Variants in PHACTR2 observed in about 807,000 individuals in gnomAD.
PHACTR2 encodes the protein phosphatase and actin regulator 2.
A neutral mutation model predicts 76.0 loss-of-function variants in PHACTR2; 30 were observed. The ratio of observed to expected loss-of-function variants is 0.39; its 90% confidence interval spans 0.30 to 0.54. PHACTR2 has a LOEUF of 0.54. PHACTR2 is among the 20% of genes least tolerant of loss of function. The pLI is 0.61. For synonymous variants in PHACTR2, 292 were observed against 292.5 expected (o/e 1.00, Z 0.02); for missense variants, 696 against 781.1 (o/e 0.89, Z 1.30).
chr6:143,575,322 A>G (rs1451063156), intron 1 of PHACTR2, among the ~76,000 whole-genome samples: 1 of 152,226 alleles, frequency 6.6e-6, no homozygotes, highest in Non-Finnish European at 1.5e-5. Context: ...GGTTTTAAAC[A>G]TCGTTTTACA....
chr6:143,746,817 A>G (rs546853294), intron 2 of PHACTR2, among the ~76,000 whole-genome samples: 35 of 151,528 alleles, frequency 2.3e-4, no homozygotes, highest in Admixed American at 9.9e-4. Context: ...CTCTTTTTAC[A>G]TAATAGAACA....
rs1310335489 is a variant in PHACTR2, at chr6:143,595,132, T to A, written c.217+57925T>A. Among the ~76,000 whole-genome samples the A allele has an allele frequency of 6.6e-6, 1 of 152,178 alleles. No individual in the cohort carries two copies. Among genetic ancestry groups the A allele is most frequent in the African/African-American group, 2.4e-5 (1 of 41,430 alleles). ...GTAAGAACAAATTTAGACACCTTCA[T>A]AAGGTGTGACGCATTTGATGCAAAA... is the stretch of plus-strand genomic sequence containing the variant. On this transcript the variant is annotated intron_variant, in intron 1 of 11. Coordinates refer to the PHACTR2 transcript ENST00000367584. The surrounding 1 kb of genome is among the most constrained non-coding windows in gnomAD (Gnocchi z 4.2).
At chr6:143,723,590 A>G (rs1288032786) in intron 2 of PHACTR2, among the ~76,000 whole-genome samples, 1 of 152,172 alleles carries the variant, frequency 6.6e-6, no homozygotes, top group Admixed American at 6.5e-5. Context: ...CTTCTACCCT[A>G]TGCCCAGATT....
chr6:143,708,014 A>G lies in PHACTR2; in HGVS notation c.47-4002A>G, dbSNP rs1352121936. On this transcript the variant is annotated intron_variant, in intron 1 of 12. Coordinates refer to ENST00000440869, the MANE Select transcript of PHACTR2 (RefSeq NM_001100164.2). This position sits in a 1 kb window ranked among gnomAD's most constrained non-coding sequence, Gnocchi z 5.5. Reference sequence around the variant, plus strand: ...AGGGGACGGTGCTAAGCAATTCATGAAAACTCTGCCACCATGATCCATACC... The same window carrying G: ...AGGGGACGGTGCTAAGCAATTCATGGAAACTCTGCCACCATGATCCATACC... 6.6e-6 allele frequency among the ~76,000 whole-genome samples: 1 copy of G among 152,218 alleles called. No homozygotes were observed. Among genetic ancestry groups the G allele is most frequent in the African/African-American group, 2.4e-5 (1 of 41,456 alleles).
chr6:143,654,606 A>G lies in PHACTR2; in HGVS notation c.13+46284A>G, dbSNP rs538182973. Among the ~76,000 whole-genome samples the G allele has an allele frequency of 4.6e-5, 7 of 152,216 alleles. No homozygotes were observed. In the South Asian group the frequency reaches 8.3e-4, roughly 18 times the overall value. On this transcript the variant is annotated intron_variant, in intron 1 of 11. Transcript: ENST00000305766. The surrounding 1 kb of genome is among the most constrained non-coding windows in gnomAD (Gnocchi z 4.6). ...GATCACTCGAGGCCTGGAGTTCAAG[A>G]CCAGCCTGAGCAACATAGCAAGACT... is the stretch of plus-strand genomic sequence containing the variant.
At position 143,777,455 on chromosome 6, in the gene PHACTR2, A is replaced by T; in HGVS notation, c.1645+72A>T. On this transcript the variant is annotated intron_variant, in intron 9 of 12. Coordinates refer to ENST00000440869, the MANE Select transcript of PHACTR2 (RefSeq NM_001100164.2). The surrounding 1 kb of genome is among the most constrained non-coding windows in gnomAD (Gnocchi z 4.6). Reference sequence around the variant, plus strand: ...AGCTGCCTCTACAGATGATCGATTTATCAGTAAGAAACCATCATATATTCA... The same window carrying T: ...AGCTGCCTCTACAGATGATCGATTTTTCAGTAAGAAACCATCATATATTCA... The T allele has an allele frequency of 2.8e-6, 2 of 711,032 alleles. No homozygotes were observed. Among genetic ancestry groups the T allele is most frequent in the Non-Finnish European group, 4.6e-6 (2 of 432,868 alleles). The allele number at this position is 711,032 out of a possible 1,614,324, so 44.0% of individuals were successfully genotyped here. A position where few individuals can be genotyped will look rare whatever the true frequency, so the allele number is the denominator to read the frequency against.
chr6:143,623,411 C>A lies in PHACTR2; in HGVS notation c.13+15089C>A, dbSNP rs1776196033. 6.6e-6 allele frequency among the ~76,000 whole-genome samples: 1 copy of A among 152,066 alleles called. No homozygotes were observed. The highest frequency in any genetic ancestry group is 2.1e-4 in the South Asian group (1 of 4,818). On this transcript the variant is annotated intron_variant, in intron 1 of 11. Transcript: ENST00000305766. This position sits in a 1 kb window ranked among gnomAD's most constrained non-coding sequence, Gnocchi z 5.9. ...CCAACATGGTGAAACCCTGTCTCTA[C>A]TAAATATACAAAAATTAGCCGGGCA...
At position 143,594,650 on chromosome 6, in the gene PHACTR2, T is replaced by G. The variant is rs74769314; in HGVS notation, c.217+57443T>G. Among the ~76,000 whole-genome samples the G allele has an allele frequency of 6.2e-3, 940 of 152,326 alleles. 22 individuals carry two copies. The East Asian group carries it at 0.09, about 15-fold the overall frequency. ...ACTGGAGGGGAAGTGAAGTAAGGAA[T>G]GCCCCTGATTTGATTATGGTCCAGG... is the stretch of plus-strand genomic sequence containing the variant. On this transcript the variant is annotated intron_variant, in intron 1 of 11. Coordinates refer to the PHACTR2 transcript ENST00000367584.
rs1243617092 is a variant in PHACTR2 at position 143,828,262 on chromosome 6, A to G, written c.*4573A>G. 1 of 152,236 alleles carries G rather than the reference A, an allele frequency of 6.6e-6. No homozygotes were observed. The highest frequency in any genetic ancestry group is 1.5e-5 in the Non-Finnish European group (1 of 68,050). 9.4% of individuals were successfully genotyped at this position (152,236 alleles called of 1,614,324 possible). A position where few individuals can be genotyped will look rare whatever the true frequency, so the allele number is the denominator to read the frequency against. ...AGGAACATCTTTCTAGAGAAAGTAC[A>G]TGCCCAGTTAGTTCAAACCCAGGTT... is the stretch of plus-strand genomic sequence containing the variant. On this transcript the variant is annotated 3_prime_UTR_variant, in exon 13 of 13. Coordinates refer to ENST00000440869, the MANE Select transcript of PHACTR2 (RefSeq NM_001100164.2). The surrounding 1 kb of genome is among the most constrained non-coding windows in gnomAD (Gnocchi z 4.7).
chr6:143,729,714 A>G (rs980792111), intron 2 of PHACTR2, among the ~76,000 whole-genome samples: 1 of 152,042 alleles, frequency 6.6e-6, no homozygotes, highest in Non-Finnish European at 1.5e-5. Flanking sequence ...TTGTTTTCTT[A>G]ATGTTCAGTT....
intron 1 of PHACTR2, among the ~76,000 whole-genome samples, chr6:143,657,902 G>T (rs1582742777): frequency 6.6e-6 from 1 of 152,180 alleles, no homozygotes; most frequent in African/African-American, 2.4e-5. Context: ...GCTGAGGGCT[G>T]TCTCCCAGCA....
rs1168777348 is a variant in PHACTR2 at position 143,809,862 on chromosome 6, G to A, written c.1922+2729G>A. 1.1e-4 allele frequency among the ~76,000 whole-genome samples: 17 copies of A among 152,080 alleles called. No individual in the cohort carries two copies. Among genetic ancestry groups the A allele is most frequent in the African/African-American group, 2.9e-4 (12 of 41,468 alleles). ...TGCAGTGGCTCAGGCCTGTAATCCC[G>A]GCACTTGGGGAGGCCGAGGTGGGCA... On this transcript the variant is annotated intron_variant, in intron 12 of 12. Coordinates refer to ENST00000440869, the MANE Select transcript of PHACTR2 (RefSeq NM_001100164.2). The surrounding 1 kb of genome is among the most constrained non-coding windows in gnomAD (Gnocchi z 4.2).
chr6:143,702,957 C>A (rs1230806362), intron 1 of PHACTR2, among the ~76,000 whole-genome samples: 2 of 151,228 alleles, frequency 1.3e-5, no homozygotes, highest in East Asian at 3.9e-4. Flanking sequence ...CACAGACATT[C>A]AGTGAAAGAA....
Position 143,585,845 on chromosome 6 carries a change from C to T in PHACTR2, c.217+48638C>T, listed in dbSNP as rs984309660. 6.6e-6 allele frequency among the ~76,000 whole-genome samples: 1 copy of T among 152,268 alleles called. No individual in the cohort carries two copies. The highest frequency in any genetic ancestry group is 2.4e-5 in the African/African-American group (1 of 41,564). On this transcript the variant is annotated intron_variant, in intron 1 of 11. Transcript: ENST00000367584. The surrounding 1 kb of genome is among the most constrained non-coding windows in gnomAD (Gnocchi z 5.2). ...ATTAATGTAGCGCTGAATGTTTAAA[C>T]GGGAAGTGGATGAGCCCAGCAGCAG...
chr6:143,794,055 T>C lies in PHACTR2; in HGVS notation c.1845+5145T>C, dbSNP rs555720174. 5.4e-4 allele frequency among the ~76,000 whole-genome samples: 75 copies of C among 139,142 alleles called. No individual in the cohort carries two copies. Among genetic ancestry groups the C allele is most frequent in the African/African-American group, 1.9e-3 (72 of 38,010 alleles). The allele number at this position is 139,142 out of a possible 152,430, so 91.3% of individuals were successfully genotyped here. ...TGGGCCATATCTGAATATTCAAAAA[T>C]GCAAAAATAAAAAAAGAACCACTTT... On this transcript the variant is annotated intron_variant, in intron 11 of 12. Coordinates refer to ENST00000440869, the MANE Select transcript of PHACTR2 (RefSeq NM_001100164.2). This position sits in a 1 kb window ranked among gnomAD's most constrained non-coding sequence, Gnocchi z 4.1.
intron 11 of PHACTR2, among the ~76,000 whole-genome samples, chr6:143,792,821 G>C (rs1272277669): frequency 2.6e-5 from 4 of 152,140 alleles, no homozygotes; most frequent in Non-Finnish European, 5.9e-5. Context: ...CTCAGCAAAT[G>C]TCCCAAGAGA....
rs1395691798 is a variant in PHACTR2 at position 143,663,273 on chromosome 6, TC to T, written c.14-48741del. 6.6e-6 allele frequency among the ~76,000 whole-genome samples: 1 copy of T among 152,202 alleles called. No individual in the cohort carries two copies. The highest frequency in any genetic ancestry group is 6.5e-5 in the Admixed American group (1 of 15,272). ...ACATGGTAACTCTGTTTTAAGTTCT[TC>T]CAATTACATTTTTCATTCAAAGTTG... On this transcript the variant is annotated intron_variant, in intron 1 of 11. Coordinates refer to the PHACTR2 transcript ENST00000305766. The surrounding 1 kb of genome is among the most constrained non-coding windows in gnomAD (Gnocchi z 4.1).
Position 143,598,272 on chromosome 6 carries a change from A to C in PHACTR2, c.217+61065A>C, listed in dbSNP as rs1247869628. Among the ~76,000 whole-genome samples the C allele has an allele frequency of 6.6e-6, 1 of 152,134 alleles. No individual in the cohort carries two copies. The highest frequency in any genetic ancestry group is 1.5e-5 in the Non-Finnish European group (1 of 68,038). ...CACAGGATTCCTTATAAGAGGGACA[A>C]GAAGGTTAAAAGAGGAGAAGGCAAT... On this transcript the variant is annotated intron_variant, in intron 1 of 11. Transcript: ENST00000367584. The surrounding 1 kb of genome is among the most constrained non-coding windows in gnomAD (Gnocchi z 4.1).
rs1453040077 is a variant in PHACTR2 at position 143,683,118 on chromosome 6, A to G, written c.46+4909A>G. Among the ~76,000 whole-genome samples the G allele has an allele frequency of 2.6e-5, 4 of 152,162 alleles. No homozygotes were observed. The highest frequency in any genetic ancestry group is 5.9e-5 in the Non-Finnish European group (4 of 68,024). On this transcript the variant is annotated intron_variant, in intron 1 of 12. Coordinates refer to ENST00000440869, the MANE Select transcript of PHACTR2 (RefSeq NM_001100164.2). This position sits in a 1 kb window ranked among gnomAD's most constrained non-coding sequence, Gnocchi z 4.1. ...TATTTTACTGAGAATTGGATCCATT[A>G]TTTCTAAGTACAGGCTAAAACGATA... is the stretch of plus-strand genomic sequence containing the variant.
Sources: allele counts gnomAD v4.1 joint callset (sites outside exome capture counted in the v4.1 genomes callset), GRCh38; gene constraint gnomAD v4.1.1; non-coding constraint Gnocchi (gnomAD v3.1); transcripts MANE v1.5; gene names NCBI Gene and HGNC (gene_info 2026-07-23, HGNC 2026-07-21).